The following PHYHIPL variants were observed in gnomAD, a reference collection of about 807,000 sequenced individuals.
The protein encoded by PHYHIPL is phytanoyl-CoA hydroxylase-interacting protein-like.
Under a neutral mutation model 33.4 loss-of-function variants are expected in PHYHIPL, and 9 were observed. That is an observed-to-expected ratio of 0.27 (90% CI 0.16 to 0.47). PHYHIPL has a LOEUF of 0.47. PHYHIPL is among the 20% of genes least tolerant of loss of function. The pLI, the probability that PHYHIPL is intolerant of heterozygous loss-of-function variation, is 0.99. For missense variants in PHYHIPL, 365 were observed against 460.7 expected (o/e 0.79, Z 1.90); for synonymous variants, 153 against 154.1 (o/e 0.99, Z 0.05).
chr10:59,207,042 A>T (rs1257070641), intron 1 of PHYHIPL, among the ~76,000 whole-genome samples: 2 of 152,214 alleles, frequency 1.3e-5, no homozygotes, highest in Non-Finnish European at 2.9e-5. Context: ...GTTAAAGCAG[A>T]ATCTTAAGTA....
At position 59,222,741 on chromosome 10, in the gene PHYHIPL, T is replaced by A. The variant is rs1416674488; in HGVS notation, c.107-11563T>A. Reference sequence around the variant, plus strand: ...TGGGGGGGGTTTCAAAAGAAAAAAATTCATTAAAGATTACTAGAGGCACTG... The same window carrying A: ...TGGGGGGGGTTTCAAAAGAAAAAAAATCATTAAAGATTACTAGAGGCACTG... On this transcript the variant is annotated intron_variant, in intron 1 of 4. Coordinates refer to ENST00000373880, the MANE Select transcript of PHYHIPL (RefSeq NM_032439.4). Among the ~76,000 whole-genome samples, 4 of 139,182 alleles carry A rather than the reference T, an allele frequency of 2.9e-5. No homozygotes were observed. The East Asian group carries it at 6.3e-4, about 22-fold the overall frequency. 91.3% of individuals were successfully genotyped at this position (139,182 alleles called of 152,430 possible). A position where few individuals can be genotyped will look rare whatever the true frequency, so the allele number is the denominator to read the frequency against.
intron 2 of PHYHIPL, among the ~76,000 whole-genome samples, chr10:59,235,658 T>G (rs1840207235): frequency 6.6e-6 from 1 of 151,924 alleles, no homozygotes; most frequent in Admixed American, 6.6e-5. Context: ...ACATTTGCCT[T>G]GTTGATATAG....
intron 2 of PHYHIPL, 59 bp downstream of exon 2, chr10:59,234,559 C>T (rs2133286221): frequency 3.2e-6 from 4 of 1,239,762 alleles, no homozygotes; most frequent in South Asian, 3.5e-5. Flanking sequence ...AGTATGAGGA[C>T]ATTTTAAAAG....
At chr10:59,202,946 G>A (rs527481830) in intron 1 of PHYHIPL, among the ~76,000 whole-genome samples, 14 of 152,138 alleles carry the variant, frequency 9.2e-5, no homozygotes, top group Middle Eastern at 3.4e-3. Flanking sequence ...TTAGAAGGTC[G>A]TAAACTGCAG....
intron 1 of PHYHIPL, among the ~76,000 whole-genome samples, chr10:59,207,350 A>G (rs2133231019): frequency 6.6e-6 from 1 of 152,280 alleles, no homozygotes; most frequent in Non-Finnish European, 1.5e-5. Context: ...CCCCTAGCCA[A>G]AGGAAGCCAT....
intron 1 of PHYHIPL, among the ~76,000 whole-genome samples, chr10:59,228,098 C>T (rs546305057): frequency 8.6e-5 from 13 of 151,808 alleles, no homozygotes; most frequent in African/African-American, 2.9e-4. Context: ...ATTTGCACTT[C>T]TTGGGATTTC....
intron 1 of PHYHIPL, among the ~76,000 whole-genome samples, chr10:59,207,667 G>A (rs567663061): frequency 3.9e-5 from 6 of 152,128 alleles, no homozygotes; most frequent in Non-Finnish European, 7.4e-5. Context: ...CAAGGCCAGC[G>A]GATCATGAGG....
intron 1 of PHYHIPL, chr10:59,177,182 C>T (rs1838275833): frequency 8.3e-6 from 5 of 602,286 alleles, no homozygotes; most frequent in African/African-American, 1.9e-5. Flanking sequence ...TAGCCGTCCA[C>T]AACCGTGGCG....
intron 1 of PHYHIPL, among the ~76,000 whole-genome samples, chr10:59,186,425 C>T (rs1184725901): frequency 6.6e-6 from 1 of 152,094 alleles, no homozygotes; most frequent in Non-Finnish European, 1.5e-5. Flanking sequence ...GTTCTTTTTG[C>T]TTAGGATTGT....
chr10:59,177,104 T>A, intron 1 of PHYHIPL, 145 bp downstream of exon 1: 1 of 671,842 alleles, frequency 1.5e-6, no homozygotes, highest in Non-Finnish European at 2.4e-6. Context: ...TGGGTTACCC[T>A]CCGCCCACCG....
At chr10:59,180,662 T>TA (rs1449122753) in intron 1 of PHYHIPL, among the ~76,000 whole-genome samples, 1 of 151,968 alleles carries the variant, frequency 6.6e-6, no homozygotes, top group Non-Finnish European at 1.5e-5. Context: ...TAACAATACT[T>TA]ACGTGGAAAA....
In PHYHIPL at chr10:59,245,399, T is replaced by C. The variant is rs746688675; in HGVS notation, c.939T>C (p.Cys313=). ...CTAAGGATAATAAATTTTTGACCTG[T>C]ACAGAAGAAGATGGGGTGCTGGTTT... ...LNSKDNKFLT[C]TEEDGVLVYH... is the part of the protein sequence containing the mutation. Residue 313 remains cysteine, a synonymous_variant, in exon 5 of 5, where the codon TGT becomes TGC. Transcript: ENST00000373880. 2 of 1,614,166 alleles carry C rather than the reference T, an allele frequency of 1.2e-6. No individual in the cohort carries two copies. Among genetic ancestry groups the C allele is most frequent in the African/African-American group, 1.3e-5 (1 of 75,034 alleles).
chr10:59,208,517 T>C (rs1839353699), intron 1 of PHYHIPL, among the ~76,000 whole-genome samples: 1 of 152,004 alleles, frequency 6.6e-6, no homozygotes, highest in South Asian at 2.1e-4. Context: ...ACACCTCTTC[T>C]CCTCCAAAGG....
intron 3 of PHYHIPL, among the ~76,000 whole-genome samples, chr10:59,237,185 A>G (rs1564459239): frequency 6.6e-6 from 1 of 151,822 alleles, no homozygotes; most frequent in Admixed American, 6.6e-5. Context: ...TCCTGTATAC[A>G]TATGTGTGTC....
chr10:59,214,713 T>G (rs574305329), intron 1 of PHYHIPL, among the ~76,000 whole-genome samples: 1 of 152,194 alleles, frequency 6.6e-6, no homozygotes, highest in East Asian at 1.9e-4. Context: ...GAACTCATGA[T>G]GAGTTTTCTA....
intron 1 of PHYHIPL, among the ~76,000 whole-genome samples, chr10:59,211,691 G>A (rs1187898233): frequency 2.3e-4 from 15 of 64,726 alleles, no homozygotes; most frequent in Non-Finnish European, 3.4e-4. Flanking sequence ...AAAAAAAAAA[G>A]GTATTACAAA....
chr10:59,193,184 T>C (rs574658744), intron 1 of PHYHIPL, among the ~76,000 whole-genome samples: 9 of 152,264 alleles, frequency 5.9e-5, no homozygotes, highest in African/African-American at 1.9e-4. Flanking sequence ...CATTTGGAAA[T>C]TAATTACTTT....
chr10:59,207,928 G>C (rs1427757187), intron 1 of PHYHIPL, among the ~76,000 whole-genome samples: 1 of 151,966 alleles, frequency 6.6e-6, no homozygotes, highest in Non-Finnish European at 1.5e-5. Flanking sequence ...CCAGTCAGGG[G>C]CTTATAGGTA....
At chr10:59,187,367 A>G (rs1767999046) in intron 1 of PHYHIPL, among the ~76,000 whole-genome samples, 2 of 152,190 alleles carry the variant, frequency 1.3e-5, no homozygotes, top group South Asian at 4.1e-4. Context: ...TCGGTTTGCC[A>G]GTATTTTATT....
Sources: gnomAD v4.1 joint callset for allele counts (sites outside exome capture counted in the v4.1 genomes callset) on GRCh38, gnomAD v4.1.1 for gene constraint, MANE v1.5 for transcripts, NCBI Gene and HGNC (gene_info 2026-07-23, HGNC 2026-07-21) for gene names.